PRKAR1A: variants seen among roughly 807,000 people sequenced by gnomAD.
PRKAR1A encodes the protein cAMP-dependent protein kinase type I-alpha regulatory subunit.
PRKAR1A carries 3 observed loss-of-function variants against 52.0 expected under a neutral mutation model. The ratio of observed to expected loss-of-function variants is 0.06; its 90% CI spans 0.03 to 0.15. The LOEUF is 0.15. PRKAR1A is among the 10% of genes least tolerant of loss of function. The pLI is 1.00. For synonymous variants in PRKAR1A, 188 were observed against 168.4 expected (o/e 1.12, Z -0.90); for missense variants, 240 against 477.4 (o/e 0.50, Z 4.63).
At chr17:68,510,196 A>AGAGAGAGAGAGAGAGAGAGAGC (rs1600450203), upstream of PRKAR1A, among the ~76,000 whole-genome samples, 1 of 147,862 alleles carries the variant, frequency 6.8e-6, no homozygotes, top group Admixed American at 6.8e-5. Context: ...AGAGAGAGAG[A>AGAGAGAGAGAGAGAGAGAGAGC]TCTATCTATT....
intron 1 of PRKAR1A, among the ~76,000 whole-genome samples, chr17:68,514,294 C>T (rs909764932): frequency 2.0e-5 from 3 of 152,168 alleles, no homozygotes; most frequent in Non-Finnish European, 4.4e-5. Flanking sequence ...TTTACAGTTT[C>T]ATCTCAATAG....
the PRKAR1A span, among the ~76,000 whole-genome samples, chr17:68,435,994 C>T: frequency 6.6e-6 from 1 of 152,228 alleles, no homozygotes; most frequent in Non-Finnish European, 1.5e-5. Context: ...GCGCCCTGCA[C>T]GCATCTTTAG....
chr17:68,526,310 G>C (rs1476068768), intron 7 of PRKAR1A, among the ~76,000 whole-genome samples: 2 of 152,178 alleles, frequency 1.3e-5, no homozygotes, highest in Non-Finnish European at 2.9e-5. Flanking sequence ...TCCCTAACCT[G>C]TGAAAGTGGG....
the PRKAR1A span, chr17:68,434,422 G>C: frequency 1.2e-6 from 1 of 823,272 alleles, no homozygotes; most frequent in East Asian, 2.8e-5. Flanking sequence ...TCAATTACCT[G>C]GGAGAGTAGT....
At chr17:68,469,580 C>T in the PRKAR1A span, among the ~76,000 whole-genome samples, 2 of 151,324 alleles carry the variant, frequency 1.3e-5, no homozygotes, top group Admixed American at 6.6e-5. Flanking sequence ...AAATATCATA[C>T]AAAACTTTCC....
At chr17:68,424,647 G>A in the PRKAR1A span, 1,152 of 386,896 alleles carry the variant, frequency 3.0e-3, 16 homozygotes, top group African/African-American at 0.023. Context: ...AGGCCGAGAC[G>A]AGTGGATCAC....
the PRKAR1A span, among the ~76,000 whole-genome samples, chr17:68,489,769 C>T: frequency 6.6e-6 from 1 of 151,698 alleles, no homozygotes; most frequent in South Asian, 2.1e-4. Flanking sequence ...TTGGCCAGCC[C>T]GGTCTCGAAC....
At chr17:68,496,334 G>C in the PRKAR1A span, among the ~76,000 whole-genome samples, 310 of 151,792 alleles carry the variant, frequency 2.0e-3, 4 homozygotes, top group Middle Eastern at 6.8e-3. Context: ...GAGCCACTGC[G>C]CCCGGCCCTC....
In PRKAR1A at chr17:68,532,959, G is replaced by A. The variant is rs531865123; in HGVS notation, c.*2510G>A. The A allele has an allele frequency of 8.4e-6, 9 of 1,065,736 alleles. No individual in the cohort carries two copies. The highest frequency in any genetic ancestry group is 4.6e-5 in the South Asian group (1 of 21,962). The allele number at this position is 1,065,736 out of a possible 1,614,324, so 66.0% of individuals were successfully genotyped here. On this transcript the variant is annotated 3_prime_UTR_variant, in exon 11 of 11. Transcript: ENST00000589228. ...TGGATCTCAAAATCTTGCTTAAAGG[G>A]TAATTGAGATGTAGCAGATTTATTT...
At chr17:68,541,130 T>G in intron 11 of PRKAR1A, 1 of 871,100 alleles carries the variant, frequency 1.1e-6, no homozygotes. Context: ...AGGCTGCATA[T>G]TCCGTGTGGT....
intron 11 of PRKAR1A, among the ~76,000 whole-genome samples, chr17:68,550,283 C>G (rs1214206483): frequency 1.4e-5 from 2 of 147,338 alleles, no homozygotes; most frequent in African/African-American, 5.0e-5. Context: ...AGCAGACATT[C>G]AATTGTCTCA....
At chr17:68,436,533 C>T in the PRKAR1A span, 54 of 1,551,164 alleles carry the variant, frequency 3.5e-5, no homozygotes, top group South Asian at 3.1e-4. Context: ...AGAGATTGCA[C>T]GGCTGGAGAG....
chr17:68,524,328 C>G (rs1017146926), intron 5 of PRKAR1A, among the ~76,000 whole-genome samples: 1 of 152,010 alleles, frequency 6.6e-6, no homozygotes, highest in Non-Finnish European at 1.5e-5. Context: ...CATTGTCTTA[C>G]CTTGAATGTC....
chr17:68,419,043 A>C, the PRKAR1A span, among the ~76,000 whole-genome samples: 19 of 149,284 alleles, frequency 1.3e-4, no homozygotes, highest in African/African-American at 4.2e-4. Flanking sequence ...AAGTCATCGG[A>C]ATCATAAAGA....
chr17:68,455,277 C>A, the PRKAR1A span, among the ~76,000 whole-genome samples: 1 of 150,756 alleles, frequency 6.6e-6, no homozygotes, highest in Admixed American at 6.6e-5. Context: ...ACAGGAGAAT[C>A]GCTTGAACCC....
the PRKAR1A span, chr17:68,434,478 C>T: frequency 3.1e-5 from 46 of 1,497,818 alleles, no homozygotes; most frequent in Non-Finnish European, 4.1e-5. Flanking sequence ...ACTCTCTGTC[C>T]TCTCCCTAGA....
At chr17:68,530,107 A>G in intron 10 of PRKAR1A, 106 bp downstream of exon 10, 2 of 1,488,386 alleles carry the variant, frequency 1.3e-6, no homozygotes, top group Non-Finnish European at 1.9e-6. Context: ...TTTATTTTCT[A>G]ACTGCAGTCT....
At chr17:68,426,253 G>GGGGCCCCCCCC in the PRKAR1A span, 1 of 841,018 alleles carries the variant, frequency 1.2e-6, no homozygotes, top group Non-Finnish European at 1.9e-6. Context: ...GGGGAGCGGG[G>GGGGCCCCCCCC]GCTCAAATAA....
chr17:68,474,394 A>G, the PRKAR1A span, among the ~76,000 whole-genome samples: 2 of 152,164 alleles, frequency 1.3e-5, no homozygotes, highest in Admixed American at 1.3e-4. Flanking sequence ...TGGACTCCCC[A>G]GGCGTGTACA....
Sources: allele counts gnomAD v4.1 joint callset (sites outside exome capture counted in the v4.1 genomes callset), GRCh38; gene constraint gnomAD v4.1.1; transcripts MANE v1.5; gene names NCBI Gene and HGNC (gene_info 2026-07-23, HGNC 2026-07-21).